The following IARS1 variants were observed in gnomAD, a reference collection of about 807,000 sequenced individuals.
The protein encoded by IARS1 is isoleucine--tRNA ligase, cytoplasmic.
Under a neutral mutation model 168.2 loss-of-function variants are expected in IARS1, and 124 were observed. The observed-to-expected ratio is 0.74, with a 90% CI of 0.64 to 0.86. The LOEUF (loss-of-function observed/expected upper bound fraction) is 0.86. IARS1 is among the 40% of genes least tolerant of loss of function. IARS1 has a pLI of 0.00. For synonymous variants in IARS1, 532 were observed against 529.4 expected (o/e 1.00, Z -0.07); for missense variants, 1,452 against 1,515.8 (o/e 0.96, Z 0.70).
At chr9:92,228,007 C>A (rs959967719) in intron 31 of IARS1, among the ~76,000 whole-genome samples, 1 of 152,114 alleles carries the variant, frequency 6.6e-6, no homozygotes, top group Non-Finnish European at 1.5e-5. Context: ...GAGGTTGTAG[C>A]GAGCTGAGAT....
At chr9:92,285,651 A>G (rs1208954459) in intron 6 of IARS1, 71 bp downstream of exon 6, 4 of 904,834 alleles carry the variant, frequency 4.4e-6, no homozygotes, top group Non-Finnish European at 5.5e-6. Flanking sequence ...GGGAATACCT[A>G]CTGTGATCAT....
intron 19 of IARS1, 104 bp downstream of exon 19, chr9:92,258,750 G>T: frequency 8.4e-7 from 1 of 1,193,268 alleles, no homozygotes. Context: ...AGGCAGCAGA[G>T]AACAGCAGCC....
intron 7 of IARS1, among the ~76,000 whole-genome samples, chr9:92,278,665 C>T (rs749491654): frequency 1.3e-5 from 2 of 152,018 alleles, no homozygotes; most frequent in African/African-American, 4.8e-5. Context: ...TCTATGGATC[C>T]GGATATTTTT....
chr9:92,293,610 C>T lies in IARS1; in HGVS notation c.-8+1G>A, dbSNP rs1836762401. On this transcript the variant is annotated splice_donor_variant, in intron 1 of 33. Transcript: ENST00000443024. LOFTEE classifies it low-confidence loss of function (5UTR_SPLICE). ...GATCCTGCAGGGAAGAGAGGGCGTACCTGAGGGGCCTCGCGTGCCTGGACA... is the reference window on the plus strand; with the variant it reads ...GATCCTGCAGGGAAGAGAGGGCGTATCTGAGGGGCCTCGCGTGCCTGGACA... 2.8e-6 allele frequency: 1 copy of T among 356,648 alleles called. No homozygotes were observed. Among genetic ancestry groups the T allele is most frequent in the Admixed American group, 3.7e-5 (1 of 26,708 alleles). 22.1% of individuals were successfully genotyped at this position (356,648 alleles called of 1,614,324 possible).
chr9:92,274,963 T>A (rs1280487626), intron 9 of IARS1, among the ~76,000 whole-genome samples: 3 of 152,202 alleles, frequency 2.0e-5, no homozygotes, highest in Non-Finnish European at 4.4e-5. Context: ...AGGCAAATCT[T>A]GAAAGGAACA....
chr9:92,247,364 T>G lies in IARS1; in HGVS notation c.2791+13A>C. ...AGGACATAAATGGTGCCCTTGTCTG[T>G]GTAGACACCTACCAGTCTTCTGGAA... On this transcript the variant is annotated intron_variant, in intron 26 of 33. Coordinates refer to ENST00000443024, the MANE Select transcript of IARS1 (RefSeq NM_002161.6). 6.2e-7 allele frequency: 1 copy of G among 1,612,100 alleles called. No individual in the cohort carries two copies. The highest frequency in any genetic ancestry group is 8.5e-7 in the Non-Finnish European group (1 of 1,179,018).
Position 92,250,200 on chromosome 9 carries a change from GT to G in IARS1, c.2518del (p.Thr840LeufsTer4). ...AAAATTTCAAACCTTTATGGGAATAGTTTTTCGGTCTCTGATCACTCTTCCA... is the reference window on the plus strand; with the variant it reads ...AAAATTTCAAACCTTTATGGGAATAGTTTTCGGTCTCTGATCACTCTTCCA... ...ELGRVIRDRK[T>X]IPIKYPLKEI... is the part of the protein sequence containing the mutation. On this transcript the variant is annotated frameshift_variant, in exon 24 of 34. Transcript: ENST00000443024. LOFTEE classifies it high-confidence loss of function. 6.2e-7 allele frequency: 1 copy of G among 1,605,294 alleles called. No homozygotes were observed. Among genetic ancestry groups the G allele is most frequent in the Non-Finnish European group, 8.5e-7 (1 of 1,172,008 alleles).
At chr9:92,259,207 T>C (rs1020683494) in intron 18 of IARS1, among the ~76,000 whole-genome samples, 2 of 152,202 alleles carry the variant, frequency 1.3e-5, no homozygotes, top group East Asian at 3.9e-4. Context: ...AAGACGTATA[T>C]AATCTGACAC....
intron 1 of IARS1, among the ~76,000 whole-genome samples, chr9:92,291,610 C>T (rs1413454920): frequency 2.6e-5 from 4 of 152,202 alleles, no homozygotes; most frequent in Non-Finnish European, 5.9e-5. Flanking sequence ...TTTAGATCTT[C>T]AACTCTTATT....
chr9:92,270,033 C>T (rs1832797392), intron 12 of IARS1, 50 bp from the exon 13 acceptor site: 5 of 1,162,122 alleles, frequency 4.3e-6, no homozygotes, highest in South Asian at 3.7e-5. Context: ...GACTAGTAGG[C>T]ACTACGGTAA....
intron 29 of IARS1, 24 bp downstream of exon 29, chr9:92,242,130 A>G (rs138699441): frequency 1.3e-6 from 2 of 1,581,064 alleles, no homozygotes; most frequent in Non-Finnish European, 1.7e-6. Flanking sequence ...CTTTAGTAGT[A>G]GTTCAGTGGA....
At chr9:92,250,092 A>T (rs552130770) in intron 24 of IARS1, 95 bp downstream of exon 24, 2 of 911,328 alleles carry the variant, frequency 2.2e-6, no homozygotes, top group Non-Finnish European at 3.6e-6. Context: ...AAAAGGAAAA[A>T]GGCCATTGGT....
intron 14 of IARS1, 112 bp from the exon 15 acceptor site, chr9:92,265,665 CTTTT>C (rs994186654): frequency 2.3e-6 from 2 of 883,272 alleles, no homozygotes; most frequent in Non-Finnish European, 3.7e-6. Context: ...TTTCTTTTTC[CTTTT>C]TTTTTGAGAT....
chr9:92,273,782 T>C (rs569208173), intron 10 of IARS1, among the ~76,000 whole-genome samples: 7 of 152,348 alleles, frequency 4.6e-5, no homozygotes, highest in South Asian at 2.1e-4. Context: ...CAAAGTCACA[T>C]TTCCAATCCC....
chr9:92,280,680 T>C (rs1834416168), intron 7 of IARS1, 66 bp downstream of exon 7: 4 of 1,043,332 alleles, frequency 3.8e-6, no homozygotes, highest in South Asian at 1.8e-5. Context: ...AGGTAAGCTT[T>C]CATATTTTCC....
At chr9:92,243,052 A>C in intron 28 of IARS1, 164 bp downstream of exon 28, 1 of 553,258 alleles carries the variant, frequency 1.8e-6, no homozygotes, top group African/African-American at 1.9e-5. Context: ...GGGGAGAGGA[A>C]GAGGAGTGAC....
At chr9:92,288,306 AAGCCATTTAAAAAC>A (rs1191766863) in intron 2 of IARS1, 24 bp from the exon 3 acceptor site, 1 of 1,612,528 alleles carries the variant, frequency 6.2e-7, no homozygotes, top group South Asian at 1.1e-5. Flanking sequence ...AAAATATATC[AAGCCATTTAAAAAC>A]AGCCAAAATT....
At chr9:92,280,602 T>A (rs3736834) in intron 7 of IARS1, 144 bp downstream of exon 7, 17,878 of 482,096 alleles carry the variant, frequency 0.037, 449 homozygotes, top group South Asian at 0.07. Flanking sequence ...TGAAAACAAA[T>A]GTTTAAAGTT....
intron 26 of IARS1, among the ~76,000 whole-genome samples, chr9:92,246,934 T>A (rs1021217910): frequency 6.6e-6 from 1 of 152,350 alleles, no homozygotes; most frequent in African/African-American, 2.4e-5. Context: ...GGCACACACC[T>A]GTAATCCCAG....
Sources: allele counts gnomAD v4.1 joint callset (sites outside exome capture counted in the v4.1 genomes callset), GRCh38; gene constraint gnomAD v4.1.1; transcripts MANE v1.5; gene names NCBI Gene and HGNC (gene_info 2026-07-23, HGNC 2026-07-21).